KHDRBS2: variants seen among roughly 807,000 people sequenced by gnomAD.
KHDRBS2 encodes KH RNA binding domain containing, signal transduction associated 2.
KHDRBS2 carries 26 observed loss-of-function variants against 44.3 expected under a neutral mutation model. The ratio of observed to expected loss-of-function variants is 0.59; its 90% CI spans 0.43 to 0.81. KHDRBS2 has a LOEUF of 0.81. Ranked by LOEUF, KHDRBS2 falls within the 40% of genes least tolerant of loss-of-function variation. The probability of loss-of-function intolerance (pLI) is 0.00; values close to 1 mark genes in which losing one functional copy is unlikely to be tolerated. For missense variants in KHDRBS2, 476 were observed against 433.1 expected, an observed-to-expected ratio of 1.10 and a Z score of -0.88; for synonymous variants, 194 against 151.1, an observed-to-expected ratio of 1.28 and a Z score of -2.08.
At chr6:61,940,126 A>G (rs573604254) in intron 4 of KHDRBS2, among the ~76,000 whole-genome samples, 1 of 152,128 alleles carries the variant, frequency 6.6e-6, no homozygotes, top group Non-Finnish European at 1.5e-5. Context: ...TTTATCAAAG[A>G]TAAAGATAAC....
intron 6 of KHDRBS2, among the ~76,000 whole-genome samples, chr6:61,817,158 A>G (rs896234545): frequency 6.6e-6 from 1 of 152,152 alleles, no homozygotes; most frequent in African/African-American, 2.4e-5. Context: ...CTCAATTCCA[A>G]AATGATGATT....
chr6:62,102,737 C>G (rs577049233), intron 2 of KHDRBS2, among the ~76,000 whole-genome samples: 2 of 152,100 alleles, frequency 1.3e-5, no homozygotes, highest in Admixed American at 6.5e-5. Context: ...TTGGGAAACC[C>G]CAAGATATGG....
the KHDRBS2 span, among the ~76,000 whole-genome samples, chr6:61,608,213 T>A: frequency 1.7e-4 from 26 of 152,058 alleles, no homozygotes; most frequent in Non-Finnish European, 3.1e-4. Context: ...GCTATATCAG[T>A]CTAACATTTC....
intron 2 of KHDRBS2, among the ~76,000 whole-genome samples, chr6:62,165,035 T>G (rs1024288789): frequency 1.3e-5 from 2 of 151,888 alleles, no homozygotes; most frequent in Non-Finnish European, 2.9e-5. Flanking sequence ...GTCATGTGTT[T>G]CAAATATTCA....
the KHDRBS2 span, among the ~76,000 whole-genome samples, chr6:61,568,800 C>G: frequency 6.6e-6 from 1 of 152,244 alleles, no homozygotes; most frequent in South Asian, 2.1e-4. Context: ...CCCTGACTAT[C>G]TCTCACAGGG....
At chr6:61,893,807 G>A (rs1457828313) in intron 6 of KHDRBS2, among the ~76,000 whole-genome samples, 4 of 151,964 alleles carry the variant, frequency 2.6e-5, no homozygotes, top group African/African-American at 9.7e-5. Flanking sequence ...TAAATGATGA[G>A]TTAATGGGTG....
intron 1 of KHDRBS2, 125 bp downstream of exon 1, chr6:62,285,733 T>C: frequency 1.6e-6 from 1 of 641,978 alleles, no homozygotes; most frequent in South Asian, 1.9e-5. Context: ...AAGGCGAGCA[T>C]CTTCAGGGGG....
intron 4 of KHDRBS2, among the ~76,000 whole-genome samples, chr6:61,968,700 C>A (rs1052753101): frequency 6.6e-6 from 1 of 151,948 alleles, no homozygotes; most frequent in African/African-American, 2.4e-5. Context: ...TTATTTAGTG[C>A]CCTTCAATAC....
chr6:61,804,513 C>A (rs1227207172), intron 6 of KHDRBS2, among the ~76,000 whole-genome samples: 2 of 152,176 alleles, frequency 1.3e-5, no homozygotes, highest in Non-Finnish European at 2.9e-5. Context: ...CCAGTGGGGG[C>A]CCCAACCCCA....
chr6:61,573,352 A>G, the KHDRBS2 span, among the ~76,000 whole-genome samples: 2 of 152,226 alleles, frequency 1.3e-5, no homozygotes, highest in African/African-American at 4.8e-5. Flanking sequence ...TTCCATGCTC[A>G]TGGATGGGTA....
In KHDRBS2 at chr6:61,904,968, T is replaced by C. The variant is rs114910927; in HGVS notation, c.484-3597A>G. On this transcript the variant is annotated intron_variant, in intron 4 of 8. Coordinates refer to ENST00000281156, the MANE Select transcript of KHDRBS2 (RefSeq NM_152688.4). ...TTGGTAAATCCATTCATGATAATGATAGTTGAGCCTATCCCATTCAACATA... is the reference window on the plus strand; with the variant it reads ...TTGGTAAATCCATTCATGATAATGACAGTTGAGCCTATCCCATTCAACATA... Among the ~76,000 whole-genome samples, 699 of 152,328 alleles carry C rather than the reference T, an allele frequency of 4.6e-3. 7 individuals are homozygous for C. Among genetic ancestry groups the C allele is most frequent in the African/African-American group, 0.016 (669 of 41,572 alleles).
chr6:62,183,621 G>A (rs1267501072), intron 1 of KHDRBS2, among the ~76,000 whole-genome samples: 1 of 151,518 alleles, frequency 6.6e-6, no homozygotes, highest in Non-Finnish European at 1.5e-5. Flanking sequence ...TTATCGAGAA[G>A]ACTTCAAAAA....
At chr6:61,814,347 C>G (rs149572933) in intron 6 of KHDRBS2, among the ~76,000 whole-genome samples, 53 of 152,264 alleles carry the variant, frequency 3.5e-4, no homozygotes, top group Admixed American at 3.5e-3. Flanking sequence ...AGCGGTGGCT[C>G]GTGCCTGAAA....
intron 3 of KHDRBS2, among the ~76,000 whole-genome samples, chr6:61,989,620 C>A (rs1775746586): frequency 6.6e-6 from 1 of 152,146 alleles, no homozygotes; most frequent in Admixed American, 6.5e-5. Flanking sequence ...CTGTGATGTG[C>A]ATCACATTCA....
At chr6:62,197,741 T>A (rs1445755565) in intron 1 of KHDRBS2, among the ~76,000 whole-genome samples, 1 of 152,156 alleles carries the variant, frequency 6.6e-6, no homozygotes, top group African/African-American at 2.4e-5. Flanking sequence ...GCAGACCTAA[T>A]AGACATCTAC....
chr6:61,718,586 T>C (rs1771830326), intron 7 of KHDRBS2, among the ~76,000 whole-genome samples: 1 of 152,048 alleles, frequency 6.6e-6, no homozygotes, highest in Admixed American at 6.6e-5. Flanking sequence ...TCCTACTGGG[T>C]CCATCCAGTG....
the KHDRBS2 span, among the ~76,000 whole-genome samples, chr6:61,639,902 T>G: frequency 6.6e-6 from 1 of 152,108 alleles, no homozygotes; most frequent in Non-Finnish European, 1.5e-5. Context: ...AAGAGGGGAC[T>G]GTTATAGATA....
chr6:61,583,150 C>T, the KHDRBS2 span, among the ~76,000 whole-genome samples: 2 of 151,744 alleles, frequency 1.3e-5, no homozygotes, highest in Admixed American at 6.6e-5. Context: ...TTTCAATGAA[C>T]TGATATCTCT....
chr6:62,166,661 A>G (rs1005617038), intron 2 of KHDRBS2, among the ~76,000 whole-genome samples: 1 of 151,970 alleles, frequency 6.6e-6, no homozygotes, highest in Non-Finnish European at 1.5e-5. Flanking sequence ...CGAATCCCCC[A>G]AAATACAGTA....
Sources: allele counts gnomAD v4.1 joint callset (sites outside exome capture counted in the v4.1 genomes callset), GRCh38; gene constraint gnomAD v4.1.1; transcripts MANE v1.5; gene names NCBI Gene and HGNC (gene_info 2026-07-23, HGNC 2026-07-21).